SPAG16: variants seen among roughly 807,000 people sequenced by gnomAD.
SPAG16 encodes sperm-associated antigen 16 protein.
Under a neutral mutation model 80.4 loss-of-function variants are expected in SPAG16, and 86 were observed. The observed-to-expected ratio is 1.07, with a 90% CI of 0.90 to 1.28. The LOEUF is 1.28. SPAG16 is among the 50% of genes most tolerant of loss of function. SPAG16 has a pLI of 0.00. For missense variants in SPAG16, 870 were observed against 765.3 expected (o/e 1.14, Z -1.61); for synonymous variants, 294 against 265.9 (o/e 1.11, Z -1.03).
At chr2:213,662,397 G>GC (rs1398258170) in intron 10 of SPAG16, among the ~76,000 whole-genome samples, 1 of 152,098 alleles carries the variant, frequency 6.6e-6, no homozygotes, top group Non-Finnish European at 1.5e-5. Flanking sequence ...AAAACGAAAG[G>GC]CAATAGGGAA....
chr2:213,954,825 G>A (rs2044038335), intron 12 of SPAG16, among the ~76,000 whole-genome samples: 1 of 152,034 alleles, frequency 6.6e-6, no homozygotes, highest in Non-Finnish European at 1.5e-5. Context: ...TTATTATCTA[G>A]TTTTAAAAAT....
chr2:214,283,254 T>C (rs369851319), intron 15 of SPAG16, among the ~76,000 whole-genome samples: 2 of 152,252 alleles, frequency 1.3e-5, no homozygotes, highest in East Asian at 1.9e-4. Context: ...ATAACGTGTG[T>C]GAACCAGTCT....
At chr2:213,341,578 T>C (rs1019501319) in intron 6 of SPAG16, among the ~76,000 whole-genome samples, 1 of 152,174 alleles carries the variant, frequency 6.6e-6, no homozygotes, top group African/African-American at 2.4e-5. Flanking sequence ...TGTCGCCCAT[T>C]TTAGAATGCA....
intron 15 of SPAG16, among the ~76,000 whole-genome samples, chr2:214,378,804 G>A (rs535865573): frequency 5.9e-5 from 9 of 152,320 alleles, no homozygotes; most frequent in African/African-American, 1.9e-4. Context: ...ACAAATTGCA[G>A]GGACACTGTG....
intron 15 of SPAG16, among the ~76,000 whole-genome samples, chr2:214,397,411 GC>G (rs1166128954): frequency 6.6e-6 from 1 of 152,118 alleles, no homozygotes; most frequent in Non-Finnish European, 1.5e-5. Context: ...GCCCGCCTCG[GC>G]CTCCCAAAGT....
intron 11 of SPAG16, among the ~76,000 whole-genome samples, chr2:213,916,093 G>T (rs1575542729): frequency 6.6e-6 from 1 of 152,238 alleles, no homozygotes; most frequent in Admixed American, 6.5e-5. Context: ...AGTTTCTTTT[G>T]TTGTGCAGAA....
intron 15 of SPAG16, among the ~76,000 whole-genome samples, chr2:214,267,863 G>T (rs1691695852): frequency 6.6e-6 from 1 of 151,780 alleles, no homozygotes; most frequent in South Asian, 2.1e-4. Context: ...GCACAGTAGG[G>T]TAAACAACAG....
chr2:213,422,416 C>A, intron 9 of SPAG16: 1 of 636,474 alleles, frequency 1.6e-6, no homozygotes, highest in South Asian at 1.8e-5. Context: ...TGCACAGTGG[C>A]TGGACCTGGT....
intron 10 of SPAG16, among the ~76,000 whole-genome samples, chr2:213,858,521 T>C (rs1244072631): frequency 6.6e-6 from 1 of 152,216 alleles, no homozygotes; most frequent in Non-Finnish European, 1.5e-5. Flanking sequence ...AGGGTAAACA[T>C]AACTTTTATA....
chr2:214,220,168 GTAAC>G (rs2058531677), intron 15 of SPAG16, among the ~76,000 whole-genome samples: 1 of 152,086 alleles, frequency 6.6e-6, no homozygotes, highest in South Asian at 2.1e-4. Flanking sequence ...AAATATGTAA[GTAAC>G]TATTTAAATA....
At chr2:214,221,007 G>A (rs1314711469) in intron 15 of SPAG16, among the ~76,000 whole-genome samples, 1 of 152,100 alleles carries the variant, frequency 6.6e-6, no homozygotes, top group Non-Finnish European at 1.5e-5. Context: ...GAGGGCCAAT[G>A]TATTCCTTTA....
At chr2:213,351,559 A>T (rs2065327391) in intron 7 of SPAG16, among the ~76,000 whole-genome samples, 1 of 152,200 alleles carries the variant, frequency 6.6e-6, no homozygotes, top group Non-Finnish European at 1.5e-5. Flanking sequence ...TTTATATGCC[A>T]CTTTAAAACC....
rs1691779806 is a variant in SPAG16, at chr2:214,268,777, A to T, written c.1720+119511A>T. On this transcript the variant is annotated intron_variant, in intron 15 of 15. Transcript: ENST00000331683. Reference sequence around the variant, plus strand: ...TGTGTGTGTGGGTGTGTATGTATGTATTTATTTGTGTATTTATGTGTCATT... The same window carrying T: ...TGTGTGTGTGGGTGTGTATGTATGTTTTTATTTGTGTATTTATGTGTCATT... 2.0e-5 allele frequency among the ~76,000 whole-genome samples: 3 copies of T among 151,460 alleles called. No homozygotes were observed. In the South Asian group the frequency reaches 6.2e-4, roughly 31 times the overall value.
At chr2:213,598,054 TC>T (rs532744064) in intron 10 of SPAG16, among the ~76,000 whole-genome samples, 78 of 152,316 alleles carry the variant, frequency 5.1e-4, no homozygotes, top group South Asian at 2.9e-3. Context: ...AGGCTTCCTC[TC>T]TCTTCCTCCC....
intron 9 of SPAG16, among the ~76,000 whole-genome samples, chr2:213,458,986 C>A (rs2072201960): frequency 6.6e-6 from 1 of 152,154 alleles, no homozygotes; most frequent in Admixed American, 6.5e-5. Flanking sequence ...CAGCCATTAT[C>A]TCCTAAAATA....
intron 15 of SPAG16, among the ~76,000 whole-genome samples, chr2:214,228,579 C>A (rs143664415): frequency 1.3e-5 from 2 of 151,930 alleles, no homozygotes; most frequent in African/African-American, 4.8e-5. Flanking sequence ...ATCAATGGTT[C>A]TCAAAGTGTG....
intron 6 of SPAG16, among the ~76,000 whole-genome samples, chr2:213,349,150 G>T (rs56183094): frequency 6.6e-6 from 1 of 152,088 alleles, no homozygotes; most frequent in Non-Finnish European, 1.5e-5. Context: ...AATATTTTGC[G>T]CTGAATGATT....
chr2:214,406,563 A>T (rs905385726), intron 15 of SPAG16, among the ~76,000 whole-genome samples: 2 of 152,148 alleles, frequency 1.3e-5, no homozygotes, highest in African/African-American at 4.8e-5. Context: ...TATGCCTAAG[A>T]TATTAGTGAA....
chr2:213,422,265 T>C, intron 9 of SPAG16: 2 of 702,224 alleles, frequency 2.8e-6, no homozygotes, highest in Non-Finnish European at 5.2e-6. Flanking sequence ...CAGACGCCAC[T>C]GAATTCTCAT....
Sources: allele counts gnomAD v4.1 joint callset (sites outside exome capture counted in the v4.1 genomes callset), GRCh38; gene constraint gnomAD v4.1.1; transcripts MANE v1.5; gene names NCBI Gene and HGNC (gene_info 2026-07-23, HGNC 2026-07-21).